The following EPB41L4A variants were observed in gnomAD, a reference collection of about 807,000 sequenced individuals.
EPB41L4A encodes the protein band 4.1-like protein 4A.
In EPB41L4A, 100 loss-of-function variants were observed where a neutral mutation model predicts 108.6. The ratio of observed to expected loss-of-function variants is 0.92; its 90% CI spans 0.78 to 1.09. The LOEUF is 1.09. EPB41L4A is among the 50% of genes least tolerant of loss of function. The pLI, the probability that EPB41L4A is intolerant of heterozygous loss-of-function variation, is 0.00. For synonymous variants in EPB41L4A, 319 were observed against 289.0 expected (o/e 1.10, Z -1.05); for missense variants, 1,030 against 842.7 (o/e 1.22, Z -2.75).
chr5:112,183,595 C>T (rs1163866806), intron 18 of EPB41L4A, among the ~76,000 whole-genome samples: 1 of 150,436 alleles, frequency 6.6e-6, no homozygotes, highest in African/African-American at 2.4e-5. Context: ...CACTCACTGA[C>T]TACTGTTCAC....
Position 112,162,938 on chromosome 5 carries a change from G to A in EPB41L4A, c.*2052C>T, listed in dbSNP as rs1010776731. Reference sequence around the variant, plus strand: ...GTTTTGGCTGCTTTCCCTCTTCAGTGCCCTGTTTTAGAACTGAGTCCTTAC... The same window carrying A: ...GTTTTGGCTGCTTTCCCTCTTCAGTACCCTGTTTTAGAACTGAGTCCTTAC... On this transcript the variant is annotated 3_prime_UTR_variant, in exon 23 of 23. Transcript: ENST00000261486. 6.6e-6 allele frequency: 1 copy of A among 152,200 alleles called. No individual in the cohort carries two copies. The highest frequency in any genetic ancestry group is 1.5e-5 in the Non-Finnish European group (1 of 68,044). 9.4% of individuals were successfully genotyped at this position (152,200 alleles called of 1,614,324 possible).
At chr5:112,252,894 A>G (rs1310713526) in intron 9 of EPB41L4A, among the ~76,000 whole-genome samples, 2 of 152,174 alleles carry the variant, frequency 1.3e-5, no homozygotes, top group African/African-American at 2.4e-5. Flanking sequence ...AAACCATTGA[A>G]AAAATAGAAG....
At chr5:112,213,447 C>CG (rs1747373794) in intron 12 of EPB41L4A, among the ~76,000 whole-genome samples, 1 of 151,480 alleles carries the variant, frequency 6.6e-6, no homozygotes, top group Non-Finnish European at 1.5e-5. Context: ...CTCCTGGGTT[C>CG]AAGTGATTCC....
chr5:112,384,529 A>T (rs1262877155), intron 1 of EPB41L4A, among the ~76,000 whole-genome samples: 2 of 152,170 alleles, frequency 1.3e-5, no homozygotes, highest in African/African-American at 4.8e-5. Context: ...AGAGCCTGAG[A>T]ACTTTCTGCC....
intron 12 of EPB41L4A, among the ~76,000 whole-genome samples, chr5:112,227,724 A>C (rs1029281998): frequency 6.6e-6 from 1 of 152,214 alleles, no homozygotes; most frequent in African/African-American, 2.4e-5. Context: ...ATCTGACACA[A>C]TGTGCCAATC....
Position 112,264,882 on chromosome 5 carries a change from G to A in EPB41L4A, c.554+14C>T. 1.2e-6 allele frequency: 2 copies of A among 1,605,640 alleles called. No homozygotes were observed. The highest frequency in any genetic ancestry group is 1.7e-6 in the Non-Finnish European group (2 of 1,177,612). On this transcript the variant is annotated intron_variant, in intron 6 of 22. Coordinates refer to ENST00000261486, the MANE Select transcript of EPB41L4A (RefSeq NM_022140.5). ...GATGGATGATGCAATAAGACATGGT[G>A]TAATGATTCTTACATTAGAGTTTTA...
chr5:112,266,494 C>A (rs1296530137), intron 4 of EPB41L4A, among the ~76,000 whole-genome samples, 164 bp from the exon 5 acceptor site: 1 of 152,152 alleles, frequency 6.6e-6, no homozygotes, highest in Admixed American at 6.5e-5. Context: ...ACTACTTAAA[C>A]ATACCTTACA....
chr5:112,357,631 T>C (rs1247140264), intron 1 of EPB41L4A, among the ~76,000 whole-genome samples: 1 of 152,168 alleles, frequency 6.6e-6, no homozygotes, highest in East Asian at 1.9e-4. Context: ...AAATGTGAAA[T>C]CATCCCAACA....
At chr5:112,373,879 G>A (rs944759600) in intron 1 of EPB41L4A, among the ~76,000 whole-genome samples, 1 of 152,232 alleles carries the variant, frequency 6.6e-6, no homozygotes, top group Non-Finnish European at 1.5e-5. Context: ...GGTTTCCACA[G>A]TGCTGAAATT....
At chr5:112,275,774 T>A (rs891717487) in intron 3 of EPB41L4A, among the ~76,000 whole-genome samples, 3 of 151,878 alleles carry the variant, frequency 2.0e-5, no homozygotes, top group Non-Finnish European at 2.9e-5. Context: ...TAAAAAAAAA[T>A]AGTTTTTAAA....
intron 14 of EPB41L4A, 98 bp downstream of exon 14, chr5:112,205,323 T>A (rs907978600): frequency 3.0e-6 from 3 of 1,011,996 alleles, no homozygotes; most frequent in East Asian, 2.4e-5. Context: ...CAGCTAGCTG[T>A]GATCAGCCAC....
chr5:112,214,147 C>A (rs1747438166), intron 12 of EPB41L4A, among the ~76,000 whole-genome samples: 2 of 152,216 alleles, frequency 1.3e-5, no homozygotes, highest in East Asian at 1.9e-4. Flanking sequence ...CCTCCTACAT[C>A]AGCTCAGACT....
At chr5:112,207,653 C>A (rs1298970218) in intron 13 of EPB41L4A, among the ~76,000 whole-genome samples, 4 of 152,112 alleles carry the variant, frequency 2.6e-5, no homozygotes. Context: ...ATACATGCAA[C>A]CAACAAATAC....
intron 2 of EPB41L4A, among the ~76,000 whole-genome samples, chr5:112,297,423 C>A (rs959388926): frequency 1.1e-4 from 17 of 151,884 alleles, no homozygotes; most frequent in African/African-American, 4.1e-4. Context: ...GTATTTGTTA[C>A]CATTTGTATA....
chr5:112,351,899 T>C (rs1314189039), intron 1 of EPB41L4A, among the ~76,000 whole-genome samples: 1 of 152,130 alleles, frequency 6.6e-6, no homozygotes, highest in African/African-American at 2.4e-5. Flanking sequence ...AAAAGAACCA[T>C]AAGATCATCT....
At chr5:112,165,727 G>A (rs1245339038) in intron 22 of EPB41L4A, among the ~76,000 whole-genome samples, 1 of 152,154 alleles carries the variant, frequency 6.6e-6, no homozygotes. Context: ...GTCTAACATT[G>A]TCAGTGTATC....
At chr5:112,257,140 GGCCTCCA>G (rs1751155555) in intron 9 of EPB41L4A, 1 of 152,090 alleles carries the variant, frequency 6.6e-6, no homozygotes, top group Admixed American at 6.6e-5. Flanking sequence ...AGTACAGTTA[GGCCTCCA>G]TAATAATCAA....
chr5:112,297,358 T>C lies in EPB41L4A; in HGVS notation c.204+10028A>G, dbSNP rs548790302. On this transcript the variant is annotated intron_variant, in intron 2 of 22. Coordinates refer to ENST00000261486, the MANE Select transcript of EPB41L4A (RefSeq NM_022140.5). ...CTTGCAGGGGTAAGGTGGTATTGCA[T>C]TGTGGTTTTGATGTGCATTTCCCTG... 1.3e-4 allele frequency among the ~76,000 whole-genome samples: 20 copies of C among 152,270 alleles called. 1 individual carries two copies. Among genetic ancestry groups the C allele is most frequent in the Non-Finnish European group, 2.1e-4 (14 of 68,014 alleles).
At chr5:112,215,294 G>A (rs1747540653) in intron 12 of EPB41L4A, among the ~76,000 whole-genome samples, 1 of 152,200 alleles carries the variant, frequency 6.6e-6, no homozygotes, top group African/African-American at 2.4e-5. Flanking sequence ...GCACACTGCT[G>A]TTTCAATTCA....
Sources: allele counts gnomAD v4.1 joint callset (sites outside exome capture counted in the v4.1 genomes callset), GRCh38; gene constraint gnomAD v4.1.1; transcripts MANE v1.5; gene names NCBI Gene and HGNC (gene_info 2026-07-23, HGNC 2026-07-21).